Variants in SERPINB12 observed in about 807,000 individuals in gnomAD.
SERPINB12 encodes serpin B12.
A neutral mutation model predicts 41.1 loss-of-function variants in SERPINB12; 57 were observed. The observed-to-expected ratio is 1.39, with a 90% confidence interval of 1.12 to 1.73. The LOEUF (loss-of-function observed/expected upper bound fraction) is 1.73, where lower values mean the gene tolerates loss of function less well. Ranked by LOEUF, SERPINB12 falls within the 40% of genes most tolerant of loss-of-function variation. The probability of loss-of-function intolerance (pLI) is 0.00; values close to 1 mark genes in which losing one functional copy is unlikely to be tolerated. For synonymous variants in SERPINB12, 180 were observed against 181.3 expected, an observed-to-expected ratio of 0.99 and a Z score of 0.06; for missense variants, 536 against 501.9, an observed-to-expected ratio of 1.07 and a Z score of -0.65.
At chr18:63,563,351 C>G (rs947581906) in intron 5 of SERPINB12, among the ~76,000 whole-genome samples, 7 of 152,110 alleles carry the variant, frequency 4.6e-5, no homozygotes, top group Non-Finnish European at 8.8e-5. Context: ...AGATGACTAA[C>G]TATATAATTT....
chr18:63,559,734 A>T lies in SERPINB12; in HGVS notation c.444+16A>T. On this transcript the variant is annotated intron_variant, in intron 4 of 7. Transcript: ENST00000382768. ...AATCTGTCAGGTGAGTTGCACACGA[A>T]TGGTGACTAAAGCTACCATGTAGCA... 1 of 1,613,610 alleles carries T rather than the reference A, an allele frequency of 6.2e-7. No homozygotes were observed. Among genetic ancestry groups the T allele is most frequent in the Non-Finnish European group, 8.5e-7 (1 of 1,179,666 alleles).
At chr18:63,529,892 A>G in the SERPINB12 span, among the ~76,000 whole-genome samples, 3 of 152,302 alleles carry the variant, frequency 2.0e-5, no homozygotes, top group East Asian at 5.8e-4. Context: ...CTTACTTATT[A>G]TGTAATGTTT....
At chr18:63,539,470 G>A (rs868137551), upstream of SERPINB12, among the ~76,000 whole-genome samples, 2 of 151,958 alleles carry the variant, frequency 1.3e-5, no homozygotes, top group Admixed American at 6.6e-5. Context: ...AGGAAGAGAA[G>A]GTTCTAGATA....
At position 63,567,519 on chromosome 18, in the gene SERPINB12, C is replaced by T. The variant is rs1425730164; in HGVS notation, c.*508C>T. Among the ~76,000 whole-genome samples, 1 of 152,152 alleles carries T rather than the reference C, an allele frequency of 6.6e-6. No individual in the cohort carries two copies. Among genetic ancestry groups the T allele is most frequent in the African/African-American group, 2.4e-5 (1 of 41,426 alleles). Reference sequence around the variant, plus strand: ...ACTGGGCGAGATGCCCTGTTTCTTCCTTTGACAGCTACTGCATGGAAGATG... The same window carrying T: ...ACTGGGCGAGATGCCCTGTTTCTTCTTTTGACAGCTACTGCATGGAAGATG... On this transcript the variant is annotated 3_prime_UTR_variant, in exon 8 of 8. Coordinates refer to ENST00000382768, the MANE Select transcript of SERPINB12 (RefSeq NM_001307928.2).
chr18:63,556,081 G>C (rs564755803), intron 1 of SERPINB12, 61 bp from the exon 2 acceptor site: 21 of 1,212,614 alleles, frequency 1.7e-5, no homozygotes, highest in Non-Finnish European at 2.3e-5. Context: ...AAATAAAATT[G>C]TTTGTTCACT....
the SERPINB12 span, among the ~76,000 whole-genome samples, chr18:63,535,157 T>C: frequency 6.6e-6 from 1 of 152,196 alleles, no homozygotes; most frequent in African/African-American, 2.4e-5. Flanking sequence ...ATGGTAGTCA[T>C]TGATTCAAGC....
In SERPINB12 at chr18:63,556,139, TAGA is replaced by T. The variant is rs1599419724; in HGVS notation, c.-18-2_-18del. 3 of 1,600,646 alleles carry T rather than the reference TAGA, an allele frequency of 1.9e-6. No individual in the cohort carries two copies. Among genetic ancestry groups the T allele is most frequent in the African/African-American group, 1.3e-5 (1 of 74,278 alleles). ...TCTCTTTCTCCTTTTTTTTTGGTTTTAGATCGTTATAAGTTTTACAATGGACTC... is the reference window on the plus strand; with the variant it reads ...TCTCTTTCTCCTTTTTTTTTGGTTTTTCGTTATAAGTTTTACAATGGACTC... On this transcript the variant is annotated splice_acceptor_variant and 5_prime_UTR_variant, in exon 2 of 8. Transcript: ENST00000382768. LOFTEE classifies it low-confidence loss of function (5UTR_SPLICE).
intron 7 of SERPINB12, among the ~76,000 whole-genome samples, chr18:63,566,122 T>G (rs80262583): frequency 6.6e-6 from 1 of 152,058 alleles, no homozygotes; most frequent in African/African-American, 2.4e-5. Context: ...GAGATAAAGA[T>G]AGAAGGAGAG....
At chr18:63,535,065 T>C in the SERPINB12 span, among the ~76,000 whole-genome samples, 2 of 152,196 alleles carry the variant, frequency 1.3e-5, no homozygotes, top group Admixed American at 1.3e-4. Flanking sequence ...TAATGGTTTA[T>C]GGATTTTTCA....
chr18:63,538,248 A>AT, upstream of SERPINB12, among the ~76,000 whole-genome samples: 1 of 152,296 alleles, frequency 6.6e-6, no homozygotes, highest in East Asian at 1.9e-4. Context: ...TAACTCAGTG[A>AT]TTTTAAATAA....
the SERPINB12 span, among the ~76,000 whole-genome samples, chr18:63,528,798 G>A: frequency 1.3e-5 from 2 of 152,148 alleles, no homozygotes; most frequent in Non-Finnish European, 2.9e-5. Context: ...AAGGACACTT[G>A]TCTTTATATC....
At chr18:63,558,999 C>CT (rs1555675571) in intron 3 of SERPINB12, among the ~76,000 whole-genome samples, 35 of 114,772 alleles carry the variant, frequency 3.0e-4, no homozygotes, top group African/African-American at 1.0e-3. Flanking sequence ...TCTTTCTTTC[C>CT]TTCCTTCTTT....
intron 7 of SERPINB12, among the ~76,000 whole-genome samples, chr18:63,566,230 G>A (rs1911093054): frequency 2.0e-5 from 3 of 152,190 alleles, no homozygotes; most frequent in Admixed American, 6.5e-5. Context: ...ACTGTGTTAA[G>A]TTCTTTATAT....
At chr18:63,559,003 C>CTTTCT (rs1491386715) in intron 3 of SERPINB12, among the ~76,000 whole-genome samples, 4,684 of 78,462 alleles carry the variant, frequency 0.06, 493 homozygotes, top group African/African-American at 0.16. Flanking sequence ...TCTTTCCTTC[C>CTTTCT]TTCTTTCTTT....
At chr18:63,552,338 G>A (rs1568126304) in intron 1 of SERPINB12, among the ~76,000 whole-genome samples, 1 of 152,252 alleles carries the variant, frequency 6.6e-6, no homozygotes, top group South Asian at 2.1e-4. Context: ...AGGGATTTTT[G>A]ATGAGAACAA....
the SERPINB12 span, among the ~76,000 whole-genome samples, chr18:63,524,906 T>C: frequency 1.3e-5 from 2 of 151,878 alleles, no homozygotes; most frequent in Admixed American, 6.6e-5. Flanking sequence ...CGTGCCACCA[T>C]GCCTAGCTGA....
intron 1 of SERPINB12, among the ~76,000 whole-genome samples, chr18:63,544,459 C>T (rs751974699): frequency 1.3e-5 from 2 of 151,970 alleles, no homozygotes; most frequent in South Asian, 2.1e-4. Flanking sequence ...TTTTTAAGGG[C>T]GAGAAAATTG....
chr18:63,533,524 C>T, the SERPINB12 span, among the ~76,000 whole-genome samples: 1 of 152,122 alleles, frequency 6.6e-6, no homozygotes, highest in South Asian at 2.1e-4. Context: ...TTTATCCAAC[C>T]CTTTAATTTT....
Position 63,565,434 on chromosome 18 carries a change from G to A in SERPINB12, c.706-11G>A, listed in dbSNP as rs375851870. 2.7e-4 allele frequency: 435 copies of A among 1,610,924 alleles called. 1 individual carries two copies. In the African/African-American group the frequency reaches 5.6e-3, roughly 21 times the overall value. On this transcript the variant is annotated splice_polypyrimidine_tract_variant and intron_variant, in intron 6 of 7. Transcript: ENST00000382768. ...TAGCCGTCCTGTGACCTCCTACCTT[G>A]ACTACTACAGAATGAAAACAAGAGT...
Sources: allele counts gnomAD v4.1 joint callset (sites outside exome capture counted in the v4.1 genomes callset), GRCh38; gene constraint gnomAD v4.1.1; transcripts MANE v1.5; gene names NCBI Gene and HGNC (gene_info 2026-07-23, HGNC 2026-07-21).